The following ST6GALNAC3 variants were observed in gnomAD, a reference collection of about 807,000 sequenced individuals.
ST6GALNAC3 encodes alpha-N-acetylgalactosaminide alpha-2,6-sialyltransferase 3.
Under a neutral mutation model 32.7 loss-of-function variants are expected in ST6GALNAC3, and 25 were observed. The ratio of observed to expected loss-of-function variants is 0.76; its 90% CI spans 0.56 to 1.07. The LOEUF (loss-of-function observed/expected upper bound fraction) is 1.07. Among genes scored for constraint, ST6GALNAC3 ranks in the 50% least tolerant of loss-of-function variants. The pLI is 0.00. For synonymous variants in ST6GALNAC3, 129 were observed against 133.1 expected (o/e 0.97, Z 0.21); for missense variants, 355 against 382.4 (o/e 0.93, Z 0.60).
chr1:76,400,902 G>GA (rs11449269), intron 2 of ST6GALNAC3, among the ~76,000 whole-genome samples: 84,324 of 146,438 alleles, frequency 0.58, 24,862 homozygotes, highest in Admixed American at 0.71. Flanking sequence ...TCTCAAAAAA[G>GA]AAAAAAAAAA....
intron 3 of ST6GALNAC3, among the ~76,000 whole-genome samples, chr1:76,522,484 G>T (rs1444402466): frequency 1.3e-5 from 2 of 151,292 alleles, no homozygotes; most frequent in Admixed American, 6.6e-5. Flanking sequence ...TTCTTTCTGT[G>T]TTTCCACTTG....
chr1:76,105,808 A>G (rs1358259190), intron 1 of ST6GALNAC3, among the ~76,000 whole-genome samples: 1 of 152,176 alleles, frequency 6.6e-6, no homozygotes, highest in Non-Finnish European at 1.5e-5. Flanking sequence ...TAGTGCTATT[A>G]CCGTCTGGCT....
chr1:76,317,810 A>C (rs747675890), intron 2 of ST6GALNAC3, among the ~76,000 whole-genome samples: 1 of 152,124 alleles, frequency 6.6e-6, no homozygotes, highest in African/African-American at 2.4e-5. Context: ...TCTCTTTACT[A>C]CTGTCTAAAG....
chr1:76,224,762 A>G (rs1655973704), intron 1 of ST6GALNAC3, among the ~76,000 whole-genome samples: 1 of 152,172 alleles, frequency 6.6e-6, no homozygotes, highest in Non-Finnish European at 1.5e-5. Flanking sequence ...AAAGTTCTCC[A>G]TGGTAAGGTA....
intron 3 of ST6GALNAC3, among the ~76,000 whole-genome samples, chr1:76,497,913 T>TA (rs1306160828): frequency 3.9e-5 from 6 of 152,154 alleles, no homozygotes; most frequent in Non-Finnish European, 8.8e-5. Flanking sequence ...CACTTGCCCT[T>TA]ACGCTCTTCA....
At chr1:76,159,746 G>C (rs1408705252) in intron 1 of ST6GALNAC3, among the ~76,000 whole-genome samples, 2 of 152,172 alleles carry the variant, frequency 1.3e-5, no homozygotes, top group Non-Finnish European at 2.9e-5. Flanking sequence ...ATGTCTGAAA[G>C]ATAAAAACAA....
intron 1 of ST6GALNAC3, among the ~76,000 whole-genome samples, chr1:76,101,413 G>A (rs1346680930): frequency 6.6e-6 from 1 of 152,084 alleles, no homozygotes; most frequent in Non-Finnish European, 1.5e-5. Context: ...TTCTCCTACT[G>A]AAGGCCAGCT....
chr1:76,442,368 T>G (rs1557889876), intron 3 of ST6GALNAC3, among the ~76,000 whole-genome samples: 1 of 152,210 alleles, frequency 6.6e-6, no homozygotes, highest in South Asian at 2.1e-4. Flanking sequence ...GCCTCCCAAG[T>G]AATGCTGTAT....
intron 1 of ST6GALNAC3, among the ~76,000 whole-genome samples, chr1:76,310,751 T>C (rs1646746878): frequency 1.3e-5 from 2 of 152,178 alleles, no homozygotes; most frequent in South Asian, 4.1e-4. Context: ...TGGCTTTCCT[T>C]AAGTTCGAAG....
chr1:76,266,827 C>T (rs777530373), intron 1 of ST6GALNAC3, among the ~76,000 whole-genome samples: 1 of 152,200 alleles, frequency 6.6e-6, no homozygotes, highest in South Asian at 2.1e-4. Context: ...ATTTGTCTCT[C>T]CAGCCATGTG....
At chr1:76,588,875 C>A (rs1647003412) in intron 3 of ST6GALNAC3, among the ~76,000 whole-genome samples, 1 of 152,178 alleles carries the variant, frequency 6.6e-6, no homozygotes, top group Non-Finnish European at 1.5e-5. Context: ...ATACCACATC[C>A]TAGAAGCAGT....
At chr1:76,273,690 C>T (rs985497824) in intron 1 of ST6GALNAC3, among the ~76,000 whole-genome samples, 11 of 152,130 alleles carry the variant, frequency 7.2e-5, no homozygotes, top group South Asian at 2.1e-4. Context: ...ATTAACATAA[C>T]GTGGCATATC....
chr1:76,460,032 T>C (rs1301767033), intron 3 of ST6GALNAC3, among the ~76,000 whole-genome samples: 2 of 152,232 alleles, frequency 1.3e-5, no homozygotes, highest in African/African-American at 4.8e-5. Flanking sequence ...ACAGTAAGTC[T>C]ATGTTTAATT....
chr1:76,240,086 C>T (rs1322073661), intron 1 of ST6GALNAC3, among the ~76,000 whole-genome samples: 3 of 152,186 alleles, frequency 2.0e-5, no homozygotes, highest in Non-Finnish European at 2.9e-5. Flanking sequence ...AACTTAGCCT[C>T]ATGACCTTGA....
intron 3 of ST6GALNAC3, among the ~76,000 whole-genome samples, chr1:76,448,094 G>T (rs145602671): frequency 1.3e-3 from 202 of 152,248 alleles, no homozygotes; most frequent in African/African-American, 2.1e-3. Context: ...GCTATACCCC[G>T]CAAAGTCACA....
intron 3 of ST6GALNAC3, among the ~76,000 whole-genome samples, chr1:76,433,827 A>G (rs905090329): frequency 6.6e-6 from 1 of 152,190 alleles, no homozygotes; most frequent in Admixed American, 6.5e-5. Context: ...GAAATCTAGT[A>G]CCCTTTGTTC....
At chr1:76,635,307 A>C (rs1174539440), downstream of ST6GALNAC3, among the ~76,000 whole-genome samples, 5 of 152,170 alleles carry the variant, frequency 3.3e-5, no homozygotes, top group African/African-American at 1.2e-4. Flanking sequence ...ATAGTTATCT[A>C]TCCAACTCTA....
chr1:76,399,494 A>G (rs775447625), intron 2 of ST6GALNAC3, among the ~76,000 whole-genome samples: 1 of 152,102 alleles, frequency 6.6e-6, no homozygotes, highest in East Asian at 1.9e-4. Flanking sequence ...GCATGGGTCA[A>G]TGTGTCTGCC....
intron 1 of ST6GALNAC3, among the ~76,000 whole-genome samples, chr1:76,104,960 TA>T (rs1213429565): frequency 6.6e-6 from 1 of 152,104 alleles, no homozygotes; most frequent in Non-Finnish European, 1.5e-5. Flanking sequence ...ATGATTCAGT[TA>T]CCTCCCACTG....
Sources: gnomAD v4.1 joint callset for allele counts (sites outside exome capture counted in the v4.1 genomes callset) on GRCh38, gnomAD v4.1.1 for gene constraint, MANE v1.5 for transcripts, NCBI Gene and HGNC (gene_info 2026-07-23, HGNC 2026-07-21) for gene names.